Variants in CPA4 observed in about 807,000 individuals in gnomAD.
CPA4 encodes carboxypeptidase A4.
A neutral mutation model predicts 54.7 loss-of-function variants in CPA4; 49 were observed. The ratio of observed to expected loss-of-function variants is 0.90; its 90% CI spans 0.71 to 1.14. CPA4 has a LOEUF of 1.14. Ranked by LOEUF, CPA4 falls within the 50% of genes most tolerant of loss-of-function variation. The pLI is 0.00. For missense variants in CPA4, 487 were observed against 525.1 expected (o/e 0.93, Z 0.71); for synonymous variants, 215 against 206.8 (o/e 1.04, Z -0.34).
intron 1 of CPA4, among the ~76,000 whole-genome samples, chr7:130,295,686 G>A (rs1737892739): frequency 6.6e-6 from 1 of 152,164 alleles, no homozygotes; most frequent in Non-Finnish European, 1.5e-5. Flanking sequence ...CTGTTCATAA[G>A]GATAATGCTA....
chr7:130,323,243 G>C lies in CPA4; in HGVS notation c.*567G>C, dbSNP rs922230594. The C allele has an allele frequency of 6.7e-6, 1 of 150,248 alleles. No individual in the cohort carries two copies. The highest frequency in any genetic ancestry group is 2.4e-5 in the African/African-American group (1 of 40,846). 9.3% of individuals were successfully genotyped at this position (150,248 alleles called of 1,614,324 possible). ...CTCCTGTTTTTTTTTTTTTGAGACA[G>C]AGTTTTGCTCTTGTTGCCCAGGCTG... On this transcript the variant is annotated 3_prime_UTR_variant, in exon 11 of 11. Coordinates refer to ENST00000222482, the MANE Select transcript of CPA4 (RefSeq NM_016352.4).
At chr7:130,300,691 AT>A in intron 3 of CPA4, 124 bp from the exon 4 acceptor site, 1 of 639,254 alleles carries the variant, frequency 1.6e-6, no homozygotes, top group Admixed American at 2.7e-5. Flanking sequence ...AAACCTTGAC[AT>A]TTGTGCTGCT....
At position 130,308,381 on chromosome 7, in the gene CPA4, G is replaced by A. The variant is rs145012020; in HGVS notation, c.777G>A (p.Trp259Ter). 5,830 of 1,614,060 alleles carry A rather than the reference G, an allele frequency of 3.6e-3. 16 individuals are homozygous for A. The highest frequency in any genetic ancestry group is 4.3e-3 in the Non-Finnish European group (5,076 of 1,179,914). ...TTGGTGCTGACCCAAATAGAAACTG[G>A]AACGCTAGTTTTGCAGGTAGGCGGT... ...SCIGADPNRN[W>*]NASFAGKGAS... is the part of the protein sequence containing the mutation. The change falls in exon 8 of 11, where the codon TGG becomes TGA. Residue 259 changes from tryptophan (W) to a stop codon, truncating the protein, a stop_gained. Coordinates refer to ENST00000222482, the MANE Select transcript of CPA4 (RefSeq NM_016352.4). LOFTEE classifies it high-confidence loss of function.
chr7:130,308,879 G>C (rs1180443951), intron 8 of CPA4, among the ~76,000 whole-genome samples: 1 of 117,356 alleles, frequency 8.5e-6, no homozygotes, highest in East Asian at 2.2e-4. Context: ...ACAGAGTCTT[G>C]CTCCATCGCC....
chr7:130,310,327 G>A lies in CPA4; in HGVS notation c.794-460G>A, dbSNP rs1436878947. On this transcript the variant is annotated intron_variant, in intron 8 of 10. Transcript: ENST00000222482. This position sits in a 1 kb window ranked among gnomAD's most constrained non-coding sequence, Gnocchi z 4.3. ...ATATTATGAAGTAATACAGAAGGCA[G>A]TGTTTCTAAATACCTGTCAAATAAT... is the stretch of plus-strand genomic sequence containing the variant. Among the ~76,000 whole-genome samples, 1 of 152,176 alleles carries A rather than the reference G, an allele frequency of 6.6e-6. No homozygotes were observed. The highest frequency in any genetic ancestry group is 1.5e-5 in the Non-Finnish European group (1 of 68,038).
At chr7:130,302,799 C>T (rs935051112) in intron 4 of CPA4, among the ~76,000 whole-genome samples, 1 of 152,166 alleles carries the variant, frequency 6.6e-6, no homozygotes. Flanking sequence ...CCAAATTGCC[C>T]ATTCCTAGCT....
intron 5 of CPA4, chr7:130,304,789 A>G (rs984944618): frequency 8.4e-6 from 5 of 597,386 alleles, no homozygotes; most frequent in Non-Finnish European, 1.2e-5. Flanking sequence ...TCCCATTCCA[A>G]GTTTTGGCTG....
intron 3 of CPA4, 93 bp from the exon 4 acceptor site, chr7:130,300,723 C>A: frequency 1.2e-6 from 1 of 802,880 alleles, no homozygotes; most frequent in African/African-American, 1.7e-5. Context: ...AAAGGGCCGC[C>A]ATCTTGGCTG....
chr7:130,309,875 C>A (rs1793884751), intron 8 of CPA4, among the ~76,000 whole-genome samples: 1 of 152,160 alleles, frequency 6.6e-6, no homozygotes, highest in Non-Finnish European at 1.5e-5. Context: ...AAGCAATCCT[C>A]CCACCTCAGC....
intron 2 of CPA4, among the ~76,000 whole-genome samples, 171 bp downstream of exon 2, chr7:130,298,998 C>G (rs990150683): frequency 1.4e-4 from 21 of 152,232 alleles, no homozygotes; most frequent in African/African-American, 4.8e-4. Flanking sequence ...GGGAGCACAT[C>G]ACAGCTGTGG....
At chr7:130,295,883 G>C (rs1334984395) in intron 1 of CPA4, among the ~76,000 whole-genome samples, 1 of 152,226 alleles carries the variant, frequency 6.6e-6, no homozygotes, top group Non-Finnish European at 1.5e-5. Flanking sequence ...GGAGGCTGAG[G>C]CAGGAGAATC....
chr7:130,307,652 G>T (rs1472784434), intron 7 of CPA4, among the ~76,000 whole-genome samples: 1 of 148,884 alleles, frequency 6.7e-6, no homozygotes. Flanking sequence ...AAAAAAAAGT[G>T]TTTTTAAGAG....
chr7:130,314,653 G>A (rs1040418256), intron 10 of CPA4, among the ~76,000 whole-genome samples: 2 of 152,186 alleles, frequency 1.3e-5, no homozygotes, highest in Non-Finnish European at 2.9e-5. Flanking sequence ...TGAGGTTGAT[G>A]TGATTAGGGA....
intron 10 of CPA4, among the ~76,000 whole-genome samples, chr7:130,318,671 A>G (rs955383429): frequency 2.0e-5 from 3 of 152,176 alleles, no homozygotes; most frequent in Admixed American, 6.5e-5. Context: ...TCGGCCTCTC[A>G]AAGTGCTGGG....
chr7:130,313,842 G>T (rs927216960), intron 10 of CPA4, among the ~76,000 whole-genome samples: 1 of 152,202 alleles, frequency 6.6e-6, no homozygotes, highest in Non-Finnish European at 1.5e-5. Flanking sequence ...ACAAGACTTC[G>T]TTGTAAATAC....
chr7:130,293,702 C>T (rs1002181222), intron 1 of CPA4, among the ~76,000 whole-genome samples: 3 of 152,120 alleles, frequency 2.0e-5, no homozygotes, highest in African/African-American at 4.8e-5. Flanking sequence ...TTGTTAATGG[C>T]GAAGGCTTTG....
chr7:130,318,537 G>A (rs938499400), intron 10 of CPA4, among the ~76,000 whole-genome samples: 1 of 152,080 alleles, frequency 6.6e-6, no homozygotes, highest in South Asian at 2.1e-4. Context: ...TCAGCCTCCC[G>A]AGTAACTGGG....
chr7:130,300,982 C>T lies in CPA4; in HGVS notation c.384+68C>T. The stretch of plus-strand genomic sequence containing the variant: ...CTGAATTTTGTAACCTCTCTCCTTA[C>T]TTCCAGGAGACATTAGTCTTCAGCA... On this transcript the variant is annotated intron_variant, in intron 4 of 10. Transcript: ENST00000222482. 3 of 960,926 alleles carry T rather than the reference C, an allele frequency of 3.1e-6. No individual in the cohort carries two copies. The South Asian group carries it at 4.1e-5, about 13-fold the overall frequency. The allele number at this position is 960,926 out of a possible 1,614,324, so 59.5% of individuals were successfully genotyped here. A position where few individuals can be genotyped will look rare whatever the true frequency, so the allele number is the denominator to read the frequency against.
chr7:130,294,399 A>T (rs1006086586), intron 1 of CPA4, among the ~76,000 whole-genome samples: 1 of 152,196 alleles, frequency 6.6e-6, no homozygotes, highest in Non-Finnish European at 1.5e-5. Flanking sequence ...ACTTCTGTTC[A>T]CACCTGTGTC....
Sources: allele counts gnomAD v4.1 joint callset (sites outside exome capture counted in the v4.1 genomes callset), GRCh38; gene constraint gnomAD v4.1.1; non-coding constraint Gnocchi (gnomAD v3.1); transcripts MANE v1.5; gene names NCBI Gene and HGNC (gene_info 2026-07-23, HGNC 2026-07-21).